The following MEGF6 variants were observed in gnomAD, a reference collection of about 807,000 sequenced individuals.
MEGF6 encodes the protein multiple EGF like domains 6, also known as multiple epidermal growth factor-like domains protein 6.
Under a neutral mutation model 207.1 loss-of-function variants are expected in MEGF6, and 184 were observed. The observed-to-expected ratio is 0.89, with a 90% confidence interval of 0.79 to 1.00. The LOEUF (loss-of-function observed/expected upper bound fraction) is 1.00, where lower values mean the gene tolerates loss of function less well. Among genes scored for constraint, MEGF6 ranks in the 50% least tolerant of loss-of-function variants. MEGF6 has a pLI of 0.00. For synonymous variants in MEGF6, 1,038 were observed against 910.0 expected, an observed-to-expected ratio of 1.14 and a Z score of -2.53; for missense variants, 2,282 against 2,202.9, an observed-to-expected ratio of 1.04 and a Z score of -0.72.
intron 4 of MEGF6, among the ~76,000 whole-genome samples, chr1:3,576,314 T>G (rs561198460): frequency 2.6e-4 from 39 of 152,342 alleles, no homozygotes; most frequent in African/African-American, 9.1e-4. Flanking sequence ...ACTTGCCATC[T>G]GGGCCAAGGA....
intron 36 of MEGF6, 31 bp downstream of exon 36, chr1:3,490,881 C>A (rs1464849372): frequency 5.1e-6 from 8 of 1,566,842 alleles, no homozygotes; most frequent in Non-Finnish European, 6.9e-6. Context: ...ACCCTCCTGG[C>A]AAGCCCACGG....
intron 3 of MEGF6, among the ~76,000 whole-genome samples, chr1:3,591,249 C>T (rs1210302681): frequency 1.3e-5 from 2 of 152,210 alleles, no homozygotes; most frequent in Non-Finnish European, 2.9e-5. Flanking sequence ...GAAGGCAGAG[C>T]CTCAGCTGAG....
chr1:3,507,849 C>CA lies in MEGF6; in HGVS notation c.1734dup (p.Val579CysfsTer15), dbSNP rs766345076. On this transcript the variant is annotated frameshift_variant, in exon 14 of 37. Transcript: ENST00000356575. LOFTEE classifies it high-confidence loss of function. The stretch of plus-strand genomic sequence containing the variant: ...GGGGGGCAGCGGCAGGCCCCCGTGA[C>CA]AGAGTCGCAGGTCCCACCATTCTGA... 93 of 1,612,716 alleles carry CA rather than the reference C, an allele frequency of 5.8e-5. No homozygotes were observed. The highest frequency in any genetic ancestry group is 4.2e-6 in the Non-Finnish European group (5 of 1,179,992).
intron 4 of MEGF6, among the ~76,000 whole-genome samples, chr1:3,561,977 G>A (rs769836198): frequency 2.0e-4 from 31 of 152,210 alleles, no homozygotes; most frequent in Non-Finnish European, 4.1e-4. Context: ...ACTCCCCTCC[G>A]TGGCCGAGTT....
intron 1 of MEGF6, among the ~76,000 whole-genome samples, chr1:3,607,886 G>T (rs1414029249): frequency 6.6e-6 from 1 of 152,228 alleles, no homozygotes; most frequent in African/African-American, 2.4e-5. Context: ...GTCCCTCCAG[G>T]GCAGGCAGCG....
At chr1:3,515,103 G>A (rs539869389) in intron 6 of MEGF6, among the ~76,000 whole-genome samples, 11 of 152,240 alleles carry the variant, frequency 7.2e-5, no homozygotes, top group Non-Finnish European at 1.3e-4. Context: ...TGAGTCTGCC[G>A]CACCGTCACC....
chr1:3,585,521 A>G (rs1643880986), intron 3 of MEGF6, among the ~76,000 whole-genome samples: 1 of 130,446 alleles, frequency 7.7e-6, no homozygotes, highest in African/African-American at 3.0e-5. Context: ...TGAGTGACAC[A>G]TGTCCTGTTG....
chr1:3,515,050 C>T (rs1203725437), intron 6 of MEGF6, among the ~76,000 whole-genome samples: 1 of 152,224 alleles, frequency 6.6e-6, no homozygotes, highest in African/African-American at 2.4e-5. Context: ...CTCTCAGCAC[C>T]TGCCCCACCC....
intron 4 of MEGF6, among the ~76,000 whole-genome samples, chr1:3,536,672 ATG>A (rs1321411350): frequency 6.6e-6 from 1 of 152,040 alleles, no homozygotes; most frequent in Non-Finnish European, 1.5e-5. Flanking sequence ...GTGCCTGGGA[ATG>A]TGTGTGTGTC....
Position 3,498,692 on chromosome 1 carries a change from G to T in MEGF6, c.3223+6C>A. The T allele has an allele frequency of 6.4e-7, 1 of 1,560,526 alleles. No homozygotes were observed. The highest frequency in any genetic ancestry group is 8.7e-7 in the Non-Finnish European group (1 of 1,155,394). ...GTATGTCCCTCCTCTGCCGCCCAGCGCTCACCCTTCTCACAGGCCAGGCCG... is the reference window on the plus strand; with the variant it reads ...GTATGTCCCTCCTCTGCCGCCCAGCTCTCACCCTTCTCACAGGCCAGGCCG... On this transcript the variant is annotated splice_donor_region_variant and intron_variant, in intron 25 of 36. Coordinates refer to ENST00000356575, the MANE Select transcript of MEGF6 (RefSeq NM_001409.4).
At chr1:3,522,558 C>A (rs1157473845) in intron 5 of MEGF6, among the ~76,000 whole-genome samples, 1 of 151,866 alleles carries the variant, frequency 6.6e-6, no homozygotes, top group Non-Finnish European at 1.5e-5. Flanking sequence ...TCCCAGAAGG[C>A]CCGGCTATAG....
At position 3,492,650 on chromosome 1, in the gene MEGF6, G is replaced by A. The variant is rs539910727; in HGVS notation, c.4505C>T (p.Thr1502Met). 3.6e-5 allele frequency: 58 copies of A among 1,610,682 alleles called. 1 individual carries two copies. The Admixed American group carries it at 6.3e-4, about 18-fold the overall frequency. ...GAAGCCCAGCTCACCTTCCCGGCAC[G>A]TGGGCCCCATGTAGCCATCCACACA... Reference protein sequence around the residue: ...CHCVDGYMGPTCREGGPLRLP... With the variant: ...CHCVDGYMGPMCREGGPLRLP... The change falls in exon 35 of 37, where the codon ACG (threonine) becomes ATG (methionine). Residue 1502 changes from threonine to methionine, a missense_variant. Coordinates refer to ENST00000356575, the MANE Select transcript of MEGF6 (RefSeq NM_001409.4).
chr1:3,531,182 C>G (rs1262607722), intron 4 of MEGF6: 51 of 1,521,350 alleles, frequency 3.4e-5, no homozygotes, highest in Non-Finnish European at 4.1e-5. Flanking sequence ...GCGACGCGCG[C>G]CAGGCCCCCC....
chr1:3,593,592 C>T (rs1322867255), intron 3 of MEGF6, among the ~76,000 whole-genome samples: 1 of 151,982 alleles, frequency 6.6e-6, no homozygotes, highest in African/African-American at 2.4e-5. Context: ...TCCCCGCCCC[C>T]GGCCTGCTCC....
At chr1:3,602,171 C>G (rs1299172328) in intron 2 of MEGF6, among the ~76,000 whole-genome samples, 1 of 152,200 alleles carries the variant, frequency 6.6e-6, no homozygotes, top group Non-Finnish European at 1.5e-5. Flanking sequence ...ACCACTCTCC[C>G]CTTCCTGCGT....
intron 4 of MEGF6, among the ~76,000 whole-genome samples, chr1:3,549,550 G>C (rs1344961154): frequency 6.6e-6 from 1 of 152,208 alleles, no homozygotes; most frequent in Non-Finnish European, 1.5e-5. Context: ...TCGGGTCTGG[G>C]CTGGCTGGCG....
At chr1:3,580,694 T>C (rs1643775457) in intron 3 of MEGF6, among the ~76,000 whole-genome samples, 1 of 151,622 alleles carries the variant, frequency 6.6e-6, no homozygotes, top group Non-Finnish European at 1.5e-5. Context: ...ACCAACTTCC[T>C]TCACCGGGCA....
At chr1:3,521,176 C>A (rs1207833138) in intron 5 of MEGF6, among the ~76,000 whole-genome samples, 1 of 152,150 alleles carries the variant, frequency 6.6e-6, no homozygotes, top group Non-Finnish European at 1.5e-5. Context: ...CCCCAGGTTC[C>A]CGCTGAGCAG....
chr1:3,546,746 G>A (rs1642722072), intron 4 of MEGF6, among the ~76,000 whole-genome samples: 1 of 150,408 alleles, frequency 6.6e-6, no homozygotes, highest in Non-Finnish European at 1.5e-5. Context: ...GGCTGGGAAG[G>A]AGGGTGCCAG....
Sources: allele counts gnomAD v4.1 joint callset (sites outside exome capture counted in the v4.1 genomes callset), GRCh38; gene constraint gnomAD v4.1.1; transcripts MANE v1.5; gene names NCBI Gene and HGNC (gene_info 2026-07-23, HGNC 2026-07-21).